RGS3: variants seen among roughly 807,000 people sequenced by gnomAD.
RGS3 encodes the protein regulator of G-protein signalling 3.
In RGS3, 80 loss-of-function variants were observed where a neutral mutation model predicts 132.6. The observed-to-expected ratio is 0.60, with a 90% CI of 0.50 to 0.73. The LOEUF (loss-of-function observed/expected upper bound fraction) is 0.73. Ranked by LOEUF, RGS3 falls within the 30% of genes least tolerant of loss-of-function variation. RGS3 has a pLI of 0.00. For missense variants in RGS3, 1,382 were observed against 1,530.8 expected (o/e 0.90, Z 1.62); for synonymous variants, 598 against 620.6 (o/e 0.96, Z 0.54).
At chr9:113,560,924 G>A (rs1477664010) in intron 19 of RGS3, among the ~76,000 whole-genome samples, 1 of 152,202 alleles carries the variant, frequency 6.6e-6, no homozygotes, top group Non-Finnish European at 1.5e-5. Context: ...TGGGGATGAT[G>A]AAAGCTAAGC....
intron 22 of RGS3, 100 bp downstream of exon 20, chr9:113,594,631 T>A: frequency 9.9e-7 from 1 of 1,005,290 alleles, no homozygotes; most frequent in Admixed American, 2.3e-5. Flanking sequence ...CTTGCCGGCT[T>A]GATCCAGCTC....
intron 8 of RGS3, 138 bp from the exon 7 acceptor site, chr9:113,497,176 T>A (rs1470906930): frequency 3.1e-6 from 2 of 653,288 alleles, no homozygotes; most frequent in East Asian, 5.5e-5. Context: ...GCATGGCAGC[T>A]CGGGGCCAGG....
chr9:113,473,298 A>G (rs1425830783), intron 3 of RGS3, among the ~76,000 whole-genome samples: 3 of 152,226 alleles, frequency 2.0e-5, no homozygotes, highest in Non-Finnish European at 4.4e-5. Context: ...AGGTATAGAG[A>G]GGCTAACAGT....
At chr9:113,509,438 G>T (rs1356499486) in intron 14 of RGS3, among the ~76,000 whole-genome samples, 1 of 152,148 alleles carries the variant, frequency 6.6e-6, no homozygotes, top group Non-Finnish European at 1.5e-5. Context: ...TATACAGAGG[G>T]TAGCTGTCTT....
intron 19 of RGS3, among the ~76,000 whole-genome samples, chr9:113,580,113 C>T (rs1364036458): frequency 6.6e-6 from 1 of 152,276 alleles, no homozygotes; most frequent in Admixed American, 6.5e-5. Context: ...GCACGCAGTC[C>T]CTGTTCATAC....
At chr9:113,489,973 T>C (rs1037686779) in intron 7 of RGS3, among the ~76,000 whole-genome samples, 4 of 152,190 alleles carry the variant, frequency 2.6e-5, no homozygotes, top group African/African-American at 9.6e-5. Context: ...AGAAACAAGA[T>C]GATCTACAAA....
intron 20 of RGS3, among the ~76,000 whole-genome samples, chr9:113,585,338 C>T (rs1489058913): frequency 1.3e-5 from 2 of 152,250 alleles, no homozygotes; most frequent in African/African-American, 4.8e-5. Flanking sequence ...TAATAGCACT[C>T]ACATCCCAGA....
chr9:113,576,337 CTTT>C (rs558156232), intron 19 of RGS3, among the ~76,000 whole-genome samples: 1 of 142,392 alleles, frequency 7.0e-6, no homozygotes, highest in African/African-American at 2.6e-5. Flanking sequence ...ATTGTTCTTT[CTTT>C]TTTTTTTTTT....
At position 113,506,398 on chromosome 9, in the gene RGS3, G is replaced by A. The variant is rs1165709816; in HGVS notation, c.990G>A (p.Ala330=). Residue 330 remains alanine (A), a synonymous_variant, in exon 12 of 25, where the codon GCG becomes GCA. Coordinates refer to ENST00000350696, the Ensembl canonical transcript of RGS3. The surrounding 1 kb of genome is among the most constrained non-coding windows in gnomAD (Gnocchi z 4.7). ...TCTTTGTCCCTGCAGGGGGTCCGGC[G>A]GAACGGGCAGGGCTGCAGCAGCTGG... 1.4e-5 allele frequency: 22 copies of A among 1,587,434 alleles called. No homozygotes were observed. The highest frequency in any genetic ancestry group is 2.7e-5 in the African/African-American group (2 of 74,704).
At chr9:113,472,768 C>T (rs1041058135) in intron 3 of RGS3, among the ~76,000 whole-genome samples, 2 of 151,992 alleles carry the variant, frequency 1.3e-5, no homozygotes, top group African/African-American at 2.4e-5. Flanking sequence ...GAAGTGTGGC[C>T]GTGCACGGTG....
At chr9:113,498,921 GAAAAAAA>G (rs755573432) in intron 10 of RGS3, among the ~76,000 whole-genome samples, 2 of 47,380 alleles carry the variant, frequency 4.2e-5, no homozygotes, top group African/African-American at 8.0e-5. Flanking sequence ...TGTCTCAATT[GAAAAAAA>G]AAAAAAAAAA....
chr9:113,592,330 A>G (rs1350432056), intron 21 of RGS3: 2 of 152,216 alleles, frequency 1.3e-5, no homozygotes, highest in Admixed American at 1.3e-4. Flanking sequence ...CTTTTGTAGG[A>G]TGAGAGAGGA....
At chr9:113,499,795 C>G (rs1041475631) in intron 10 of RGS3, among the ~76,000 whole-genome samples, 3 of 152,176 alleles carry the variant, frequency 2.0e-5, no homozygotes, top group African/African-American at 7.2e-5. Flanking sequence ...TGAGTGTCAA[C>G]TTTAGTTTTA....
chr9:113,447,337 A>ATATATATATATATATATATG (rs1829132725), intron 1 of RGS3, among the ~76,000 whole-genome samples: 1 of 53,532 alleles, frequency 1.9e-5, no homozygotes, highest in Non-Finnish European at 4.8e-5. Context: ...ATGTATATAT[A>ATATATATATATATATATATG]TATATATATA....
At chr9:113,471,557 T>A (rs1385562583) in intron 3 of RGS3, among the ~76,000 whole-genome samples, 2 of 152,152 alleles carry the variant, frequency 1.3e-5, no homozygotes, top group Non-Finnish European at 1.5e-5. Context: ...TTTTCTAAGC[T>A]TTTTTGAGTT....
chr9:113,484,605 T>C (rs6478012), intron 6 of RGS3, among the ~76,000 whole-genome samples: 25,251 of 152,164 alleles, frequency 0.17, 2,506 homozygotes, highest in African/African-American at 0.27. Flanking sequence ...TTTGCCTCCC[T>C]GCCCCCCTTT....
chr9:113,526,446 ATGG>A (rs1454030285), intron 17 of RGS3, among the ~76,000 whole-genome samples: 1 of 152,158 alleles, frequency 6.6e-6, no homozygotes, highest in Non-Finnish European at 1.5e-5. Flanking sequence ...GAAGTGTGAC[ATGG>A]TGGTCAGGAC....
rs150396171 is a variant in RGS3 at position 113,595,328 on chromosome 9, G to A, written c.3245-271G>A. 7 of 551,982 alleles carry A rather than the reference G, an allele frequency of 1.3e-5. No homozygotes were observed. In the African/African-American group the frequency reaches 1.3e-4, roughly 10 times the overall value. The allele number at this position is 551,982 out of a possible 1,614,324, so 34.2% of individuals were successfully genotyped here. A position where few individuals can be genotyped will look rare whatever the true frequency, so the allele number is the denominator to read the frequency against. On this transcript the variant is annotated intron_variant, in intron 23 of 24. Coordinates refer to ENST00000350696, the Ensembl canonical transcript of RGS3. ...CCATCTCATGGGCAGGGTCCCATCGGCTCCTCCCAGGGCTCCGGGAGACAG... is the reference window on the plus strand; with the variant it reads ...CCATCTCATGGGCAGGGTCCCATCGACTCCTCCCAGGGCTCCGGGAGACAG...
chr9:113,490,267 G>A (rs1162201304), intron 7 of RGS3, among the ~76,000 whole-genome samples: 5 of 152,116 alleles, frequency 3.3e-5, no homozygotes, highest in South Asian at 2.1e-4. Flanking sequence ...TACTCATAGC[G>A]GAGTTTCATC....
Sources: gnomAD v4.1 joint callset for allele counts (sites outside exome capture counted in the v4.1 genomes callset) on GRCh38, gnomAD v4.1.1 for gene constraint, Gnocchi (gnomAD v3.1) non-coding constraint, MANE v1.5 for transcripts, NCBI Gene and HGNC (gene_info 2026-07-23, HGNC 2026-07-21) for gene names.